The following RDM1 variants were observed in gnomAD, a reference collection of about 807,000 sequenced individuals.
RDM1 encodes RAD52 motif-containing protein 1.
RDM1 carries 28 observed loss-of-function variants against 27.7 expected under a neutral mutation model. That is an observed-to-expected ratio of 1.01 (90% CI 0.75 to 1.39). The LOEUF (loss-of-function observed/expected upper bound fraction) is 1.39, where lower values mean the gene tolerates loss of function less well. RDM1 is among the 40% of genes most tolerant of loss of function. The pLI, the probability that RDM1 is intolerant of heterozygous loss-of-function variation, is 0.00. For synonymous variants in RDM1, 124 were observed against 127.5 expected, an observed-to-expected ratio of 0.97 and a Z score of 0.19; for missense variants, 277 against 337.3, an observed-to-expected ratio of 0.82 and a Z score of 1.40.
chr17:35,919,460 G>A (rs1417664707), intron 6 of RDM1, among the ~76,000 whole-genome samples: 2 of 152,112 alleles, frequency 1.3e-5, no homozygotes, highest in East Asian at 3.9e-4. Flanking sequence ...TAGGCTATAT[G>A]GTATGGCCTA....
intron 6 of RDM1, 74 bp downstream of exon 6, chr17:35,920,113 T>G (rs772044808): frequency 1.6e-5 from 12 of 758,760 alleles, no homozygotes; most frequent in Non-Finnish European, 2.7e-5. Flanking sequence ...CAAATTATCC[T>G]CCAAATTATG....
rs1382727294 is a variant in RDM1, at chr17:35,928,473, AATAT to A, written c.276+1599_276+1602del. Among the ~76,000 whole-genome samples the A allele has an allele frequency of 3.3e-5, 5 of 152,232 alleles. No individual in the cohort carries two copies. In the East Asian group the frequency reaches 7.7e-4, roughly 24 times the overall value. On this transcript the variant is annotated intron_variant, in intron 2 of 6. Transcript: ENST00000620284. ...CACATTTTAAATTCACATAAAACTAAATATATAGGCTGGGCGCGGTGGCTCACGC... is the reference window on the plus strand; with the variant it reads ...CACATTTTAAATTCACATAAAACTAAATAGGCTGGGCGCGGTGGCTCACGC...
At chr17:35,923,536 A>C (rs1358388998) in intron 4 of RDM1, among the ~76,000 whole-genome samples, 1 of 151,078 alleles carries the variant, frequency 6.6e-6, no homozygotes, top group Non-Finnish European at 1.5e-5. Context: ...GGTGGTAGGC[A>C]CCTGTAACCC....
chr17:35,920,075 T>C (rs533324768), intron 6 of RDM1, 112 bp downstream of exon 6: 1 of 586,996 alleles, frequency 1.7e-6, no homozygotes, highest in Non-Finnish European at 3.1e-6. Flanking sequence ...AAAAGTAGTA[T>C]CAGTTTCACA....
At chr17:35,929,512 G>A (rs2089254507) in intron 2 of RDM1, among the ~76,000 whole-genome samples, 1 of 152,072 alleles carries the variant, frequency 6.6e-6, no homozygotes. Flanking sequence ...CACAATCTCG[G>A]GTCACTGCAG....
intron 2 of RDM1, among the ~76,000 whole-genome samples, 164 bp from the exon 3 acceptor site, chr17:35,925,801 C>T (rs1201314093): frequency 6.6e-6 from 1 of 151,994 alleles, no homozygotes; most frequent in Non-Finnish European, 1.5e-5. Flanking sequence ...ATAAGATGAA[C>T]CCACCACCCA....
intron 4 of RDM1, among the ~76,000 whole-genome samples, chr17:35,923,364 A>G (rs1341051533): frequency 6.8e-6 from 1 of 147,510 alleles, no homozygotes; most frequent in Non-Finnish European, 1.5e-5. Flanking sequence ...AAAAAAAAAA[A>G]AAAAAAAGAG....
At chr17:35,924,805 G>A in intron 3 of RDM1, 33 bp from the exon 4 acceptor site, 1 of 1,597,606 alleles carries the variant, frequency 6.3e-7, no homozygotes, top group Non-Finnish European at 8.6e-7. Context: ...GTCCTTCCTG[G>A]GGTCTTAATG....
At position 35,924,766 on chromosome 17, in the gene RDM1, C is replaced by T. The variant is rs1469769541; in HGVS notation, c.406G>A (p.Glu136Lys). ...GCSKRIIKLQ[E>K]LSDLEERENE... ...TCCCTTTCTTCAAGGTCAGAAAGCT[C>T]CTGAAGCTGTAAGGATATTTAATGT... Residue 136 changes from glutamate to lysine, a missense_variant, in exon 4 of 7, where the codon GAG becomes AAG. Glu to Lys is a moderately conservative substitution (Grantham distance 56). Coordinates refer to ENST00000620284, the MANE Select transcript of RDM1 (RefSeq NM_145654.4). 2 of 1,613,740 alleles carry T rather than the reference C, an allele frequency of 1.2e-6. No individual in the cohort carries two copies. Among genetic ancestry groups the T allele is most frequent in the Non-Finnish European group, 1.7e-6 (2 of 1,179,804 alleles).
intron 2 of RDM1, among the ~76,000 whole-genome samples, chr17:35,926,184 A>AAAC (rs141165998): frequency 0.16 from 23,946 of 151,788 alleles, 2,024 homozygotes; most frequent in South Asian, 0.28. Flanking sequence ...CATGCAACTG[A>AAAC]AAGGAGAGGT....
At position 35,922,006 on chromosome 17, in the gene RDM1, CA is replaced by C. The variant is rs1436399002; in HGVS notation, c.667+570del. The C allele has an allele frequency of 4.6e-5, 7 of 151,078 alleles. No homozygotes were observed. The East Asian group carries it at 1.4e-3, about 29-fold the overall frequency. The allele number at this position is 151,078 out of a possible 1,614,324, so 9.4% of individuals were successfully genotyped here. On this transcript the variant is annotated intron_variant, in intron 5 of 6. Transcript: ENST00000620284. ...CACGATCTTGGCTCACTGTAAGCTC[CA>C]CCTCCCAGGTTCACGCCATTCTCCT...
At chr17:35,924,364 C>T (rs2089057537) in intron 4 of RDM1, among the ~76,000 whole-genome samples, 1 of 152,102 alleles carries the variant, frequency 6.6e-6, no homozygotes, top group South Asian at 2.1e-4. Context: ...CTTCCTTCTT[C>T]CTCCTAAGCT....
Position 35,925,560 on chromosome 17 carries a change from C to T in RDM1, c.354G>A (p.Ala118=), listed in dbSNP as rs755925604. ...ACCCATTGAAACCAAAGTAGTAATT[C>T]GCCAGTTCTTGGCATTTGGAACTGT... ...ALNSSKCQEL[A]NYYFGFNGCS... is the part of the protein sequence containing the mutation. Residue 118 remains alanine, a synonymous_variant, in exon 3 of 7, where the codon GCG becomes GCA. Coordinates refer to ENST00000620284, the MANE Select transcript of RDM1 (RefSeq NM_145654.4). 1.9e-5 allele frequency: 31 copies of T among 1,613,838 alleles called. No individual in the cohort carries two copies. Among genetic ancestry groups the T allele is most frequent in the Admixed American group, 8.3e-5 (5 of 60,004 alleles).
At chr17:35,925,133 A>AAAAAC (rs1305783503) in intron 3 of RDM1, among the ~76,000 whole-genome samples, 3 of 152,154 alleles carry the variant, frequency 2.0e-5, no homozygotes, top group East Asian at 1.9e-4. Flanking sequence ...CCTCTGTCTC[A>AAAAAC]AAAACAAAAC....
In RDM1 at chr17:35,930,604, C is replaced by T. The variant is rs191410149; in HGVS notation, c.96+28G>A. 1.9e-3 allele frequency: 2,973 copies of T among 1,600,220 alleles called. 18 individuals carry two copies. The highest frequency in any genetic ancestry group is 1.9e-3 in the Non-Finnish European group (2,242 of 1,172,574). On this transcript the variant is annotated intron_variant, in intron 1 of 6. Coordinates refer to ENST00000620284, the MANE Select transcript of RDM1 (RefSeq NM_145654.4). The stretch of plus-strand genomic sequence containing the variant: ...TCAGCGGGTGGGCAGCTTTCTCCAT[C>T]CCTCCCTCCATCCTGGCCCCGGCTC...
chr17:35,923,656 C>G (rs541735683), intron 4 of RDM1, among the ~76,000 whole-genome samples: 6 of 152,086 alleles, frequency 3.9e-5, no homozygotes, highest in Non-Finnish European at 7.3e-5. Context: ...GAGTGAGGCT[C>G]CATCTCAAAA....
intron 2 of RDM1, among the ~76,000 whole-genome samples, chr17:35,929,056 C>T (rs2089242394): frequency 1.3e-5 from 2 of 152,054 alleles, no homozygotes; most frequent in Admixed American, 1.3e-4. Flanking sequence ...GCCTGGGTGA[C>T]AAAATGAGAC....
intron 5 of RDM1, chr17:35,922,316 G>A (rs958751946): frequency 4.3e-6 from 2 of 465,156 alleles, no homozygotes; most frequent in East Asian, 7.1e-5. Flanking sequence ...AGCAATTAAA[G>A]AAGACCTGGC....
Position 35,918,173 on chromosome 17 carries a change from C to T in RDM1, c.*169G>A. The T allele has an allele frequency of 1.6e-6, 1 of 618,164 alleles. No individual in the cohort carries two copies. Among genetic ancestry groups the T allele is most frequent in the Non-Finnish European group, 2.9e-6 (1 of 345,386 alleles). The allele number at this position is 618,164 out of a possible 1,614,324, so 38.3% of individuals were successfully genotyped here. The stretch of plus-strand genomic sequence containing the variant: ...ACAATCCTACCCAAGCCTCCCTTCC[C>T]ACTCCACCAGAACACCCCTTCCCTC... On this transcript the variant is annotated 3_prime_UTR_variant, in exon 7 of 7. Transcript: ENST00000620284.
Sources: gnomAD v4.1 joint callset for allele counts (sites outside exome capture counted in the v4.1 genomes callset) on GRCh38, gnomAD v4.1.1 for gene constraint, MANE v1.5 for transcripts, NCBI Gene and HGNC (gene_info 2026-07-23, HGNC 2026-07-21) for gene names.